The following CDK15 variants were observed in gnomAD, a reference collection of about 807,000 sequenced individuals.
CDK15 encodes cyclin dependent kinase 15.
A neutral mutation model predicts 60.3 loss-of-function variants in CDK15; 62 were observed. The ratio of observed to expected loss-of-function variants is 1.03; its 90% CI spans 0.84 to 1.27. The LOEUF is 1.27. CDK15 is among the 50% of genes most tolerant of loss of function. The probability of loss-of-function intolerance (pLI) is 0.00; values close to 1 mark genes in which losing one functional copy is unlikely to be tolerated. For missense variants in CDK15, 541 were observed against 527.8 expected (o/e 1.03, Z -0.25); for synonymous variants, 194 against 195.7 (o/e 0.99, Z 0.07).
chr2:201,879,048 T>C (rs575352375), intron 11 of CDK15, among the ~76,000 whole-genome samples: 2 of 152,240 alleles, frequency 1.3e-5, no homozygotes, highest in South Asian at 2.1e-4. Context: ...AGTCTTGTCC[T>C]GTGTCTCCCA....
chr2:201,859,066 C>T (rs1166551302), intron 10 of CDK15, among the ~76,000 whole-genome samples: 2 of 152,166 alleles, frequency 1.3e-5, no homozygotes, highest in Non-Finnish European at 2.9e-5. Flanking sequence ...ATTAATCAAG[C>T]TGGCGGGCCG....
intron 8 of CDK15, among the ~76,000 whole-genome samples, chr2:201,846,183 A>G (rs949615445): frequency 2.0e-5 from 3 of 152,064 alleles, no homozygotes; most frequent in Non-Finnish European, 4.4e-5. Context: ...GTGAACATCA[A>G]ATGAGCCAGC....
At chr2:201,832,364 C>T (rs901542516) in intron 6 of CDK15, among the ~76,000 whole-genome samples, 2 of 152,164 alleles carry the variant, frequency 1.3e-5, no homozygotes, top group African/African-American at 4.8e-5. Context: ...TATTTTTAAG[C>T]ACATACTATC....
intron 8 of CDK15, among the ~76,000 whole-genome samples, chr2:201,836,398 T>C (rs1379991069): frequency 1.3e-5 from 2 of 151,452 alleles, no homozygotes; most frequent in African/African-American, 4.9e-5. Context: ...CCTTTTACTG[T>C]TGAACTGAGA....
intron 4 of CDK15, among the ~76,000 whole-genome samples, chr2:201,820,097 A>G (rs946748091): frequency 6.6e-6 from 1 of 152,192 alleles, no homozygotes; most frequent in African/African-American, 2.4e-5. Flanking sequence ...AAATTATACT[A>G]AACATAAAAT....
chr2:201,838,000 G>A (rs535165165), intron 8 of CDK15, among the ~76,000 whole-genome samples: 202 of 152,122 alleles, frequency 1.3e-3, no homozygotes, highest in Non-Finnish European at 2.3e-3. Flanking sequence ...AGCTCACACC[G>A]CTCAGCACTG....
At chr2:201,838,659 G>T (rs1658924479) in intron 8 of CDK15, among the ~76,000 whole-genome samples, 1 of 151,856 alleles carries the variant, frequency 6.6e-6, no homozygotes, top group Non-Finnish European at 1.5e-5. Context: ...CTCCTGCCTT[G>T]GCCTTCCCAA....
intron 9 of CDK15, among the ~76,000 whole-genome samples, chr2:201,851,291 CAAAAAAA>C (rs1176883047): frequency 1.1e-4 from 3 of 27,752 alleles, no homozygotes; most frequent in African/African-American, 1.8e-4. Flanking sequence ...GACTTCATCT[CAAAAAAA>C]AAAAAAAAAA....
intron 6 of CDK15, among the ~76,000 whole-genome samples, chr2:201,832,540 T>C (rs1696804916): frequency 1.3e-5 from 2 of 152,222 alleles, no homozygotes; most frequent in African/African-American, 4.8e-5. Context: ...TGTGTGTATA[T>C]TTGAAGCATC....
intron 10 of CDK15, among the ~76,000 whole-genome samples, chr2:201,867,494 G>A (rs1206510596): frequency 6.6e-6 from 1 of 152,136 alleles, no homozygotes; most frequent in African/African-American, 2.4e-5. Flanking sequence ...AAGTGGTGGT[G>A]TGCACTTATG....
chr2:201,833,807 G>A (rs752001844), intron 6 of CDK15, 41 bp from the exon 7 acceptor site: 6 of 1,598,196 alleles, frequency 3.8e-6, no homozygotes, highest in East Asian at 4.6e-5. Context: ...TCAGCACGTG[G>A]TGGCTCAAAT....
intron 6 of CDK15, among the ~76,000 whole-genome samples, chr2:201,832,937 A>G (rs1252207362): frequency 6.6e-6 from 1 of 152,220 alleles, no homozygotes; most frequent in African/African-American, 2.4e-5. Flanking sequence ...GTCTTTGTAA[A>G]TACTGATGTT....
intron 10 of CDK15, among the ~76,000 whole-genome samples, chr2:201,869,191 A>G (rs1214321661): frequency 2.6e-5 from 4 of 152,208 alleles, no homozygotes; most frequent in Non-Finnish European, 4.4e-5. Flanking sequence ...ATGGAATACT[A>G]TGCAGCCATA....
intron 6 of CDK15, among the ~76,000 whole-genome samples, chr2:201,832,849 C>T (rs566618156): frequency 1.3e-5 from 2 of 152,346 alleles, no homozygotes; most frequent in South Asian, 4.1e-4. Flanking sequence ...CTGCATCTGC[C>T]ATTTTGCCCA....
rs528239159 is a variant in CDK15, at chr2:201,861,560, T to C, written c.1009+6623T>C. On this transcript the variant is annotated intron_variant, in intron 10 of 13. Coordinates refer to ENST00000652192, the MANE Select transcript of CDK15 (RefSeq NM_001366386.2). ...TTTTTTTTGTTGGTTTGTTTTTTTT[T>C]TTTTCTTTTTTTTTTTTTTTAGATG... The C allele has an allele frequency of 8.5e-5, 79 of 934,064 alleles. 2 individuals carry two copies. The Middle Eastern group carries it at 1.6e-3, about 19-fold the overall frequency. 57.9% of individuals were successfully genotyped at this position (934,064 alleles called of 1,614,324 possible). A position where few individuals can be genotyped will look rare whatever the true frequency, so the allele number is the denominator to read the frequency against.
intron 10 of CDK15, among the ~76,000 whole-genome samples, chr2:201,868,227 A>G (rs1171496364): frequency 1.3e-5 from 2 of 152,198 alleles, no homozygotes; most frequent in Non-Finnish European, 2.9e-5. Context: ...AGAAGCAGGA[A>G]AAAAAGAGAC....
At position 201,816,455 on chromosome 2, in the gene CDK15, G is replaced by GTTTTTTTTTT. The variant is rs55930032; in HGVS notation, c.448+3908_448+3917dup. 2.2e-3 allele frequency among the ~76,000 whole-genome samples: 172 copies of GTTTTTTTTTT among 79,846 alleles called. 3 individuals are homozygous for GTTTTTTTTTT. The highest frequency in any genetic ancestry group is 9.8e-3 in the Middle Eastern group (1 of 102). 52.4% of individuals were successfully genotyped at this position (79,846 alleles called of 152,430 possible). A position where few individuals can be genotyped will look rare whatever the true frequency, so the allele number is the denominator to read the frequency against. On this transcript the variant is annotated intron_variant, in intron 4 of 13. Coordinates refer to ENST00000652192, the MANE Select transcript of CDK15 (RefSeq NM_001366386.2). The stretch of plus-strand genomic sequence containing the variant: ...CATCCATGTTGCTGCTAAGGAAATG[G>GTTTTTTTTTT]TTTTTTTTTTTTTTTTTTTTTTTTG...
At chr2:201,865,892 CAAAAAAAAA>C (rs35178158) in intron 10 of CDK15, among the ~76,000 whole-genome samples, 4 of 40,090 alleles carry the variant, frequency 1.0e-4, no homozygotes, top group African/African-American at 1.5e-4. Context: ...TCCATCTCAA[CAAAAAAAAA>C]AAAAAAAAAA....
intron 4 of CDK15, among the ~76,000 whole-genome samples, chr2:201,821,848 T>A (rs1696233642): frequency 6.6e-6 from 1 of 151,810 alleles, no homozygotes; most frequent in Non-Finnish European, 1.5e-5. Flanking sequence ...GCCCGGCTAA[T>A]TTTTGTATTT....
Sources: gnomAD v4.1 joint callset for allele counts (sites outside exome capture counted in the v4.1 genomes callset) on GRCh38, gnomAD v4.1.1 for gene constraint, MANE v1.5 for transcripts, NCBI Gene and HGNC (gene_info 2026-07-23, HGNC 2026-07-21) for gene names.